G3BP1: variants seen among roughly 807,000 people sequenced by gnomAD.
G3BP1 encodes G3BP stress granule assembly factor 1.
A neutral mutation model predicts 58.6 loss-of-function variants in G3BP1; 35 were observed. That is an observed-to-expected ratio of 0.60 (90% confidence interval 0.46 to 0.79). The LOEUF (loss-of-function observed/expected upper bound fraction) is 0.79, where lower values mean the gene tolerates loss of function less well. Ranked by LOEUF, G3BP1 falls within the 30% of genes least tolerant of loss-of-function variation. The pLI, the probability that G3BP1 is intolerant of heterozygous loss-of-function variation, is 0.00. For synonymous variants in G3BP1, 191 were observed against 195.4 expected, an observed-to-expected ratio of 0.98 and a Z score of 0.19; for missense variants, 523 against 580.8, an observed-to-expected ratio of 0.90 and a Z score of 1.02.
rs1762946628 is a variant in G3BP1 at position 151,806,954 on chromosome 5, GT to G, written c.*2866del. On this transcript the variant is annotated 3_prime_UTR_variant, in exon 12 of 12. Coordinates refer to ENST00000356245, the MANE Select transcript of G3BP1 (RefSeq NM_005754.3). The stretch of plus-strand genomic sequence containing the variant: ...TGAGTATTTTAGTTAGATAAGATTT[GT>G]TTGGTTCAGTGGGTCTTAGTTTTTT... The G allele has an allele frequency of 6.6e-6, 1 of 152,114 alleles. No individual in the cohort carries two copies. Among genetic ancestry groups the G allele is most frequent in the Admixed American group, 6.5e-5 (1 of 15,268 alleles). 9.4% of individuals were successfully genotyped at this position (152,114 alleles called of 1,614,324 possible). A position where few individuals can be genotyped will look rare whatever the true frequency, so the allele number is the denominator to read the frequency against.
At chr5:151,784,845 G>A (rs1762532237) in intron 1 of G3BP1, among the ~76,000 whole-genome samples, 1 of 152,110 alleles carries the variant, frequency 6.6e-6, no homozygotes, top group Non-Finnish European at 1.5e-5. Flanking sequence ...TTAGGAGCCA[G>A]CTGCCACTTA....
Position 151,790,999 on chromosome 5 carries a change from G to C in G3BP1, c.288G>C (p.Gly96=), listed in dbSNP as rs376574585. 1.2e-5 allele frequency: 20 copies of C among 1,613,434 alleles called. No individual in the cohort carries two copies. The highest frequency in any genetic ancestry group is 1.6e-5 in the Non-Finnish European group (19 of 1,179,714). The part of the protein sequence containing the change: ...LNDGVVVQVM[G]LLSNNNQALR... ...ATGGTGTGGTAGTCCAGGTGATGGG[G>C]CTTCTCTCTAACAACAACCAGGCTT... Residue 96 remains glycine (G), a synonymous_variant, in exon 4 of 12, where the codon GGG becomes GGC. Transcript: ENST00000356245.
intron 4 of G3BP1, chr5:151,792,180 G>A (rs1298744352): frequency 1.1e-5 from 5 of 455,522 alleles, no homozygotes; most frequent in Admixed American, 2.4e-5. Context: ...GTTTTCTTCC[G>A]GATTGGTCTA....
intron 1 of G3BP1, among the ~76,000 whole-genome samples, chr5:151,773,206 C>T (rs967059880): frequency 2.6e-5 from 4 of 151,900 alleles, no homozygotes; most frequent in African/African-American, 4.8e-5. Flanking sequence ...TGCAGAAAGA[C>T]CTTGAGAAGA....
chr5:151,782,956 C>T (rs1187671211), intron 1 of G3BP1, among the ~76,000 whole-genome samples: 1 of 142,094 alleles, frequency 7.0e-6, no homozygotes, highest in East Asian at 2.2e-4. Flanking sequence ...CTGCTAGGTT[C>T]AAGCGATTCT....
Position 151,812,738 on chromosome 5 carries a change from G to A in G3BP1, c.*8647G>A, listed in dbSNP as rs1406106487. The A allele has an allele frequency of 6.6e-6, 1 of 152,198 alleles. No individual in the cohort carries two copies. Among genetic ancestry groups the A allele is most frequent in the African/African-American group, 2.4e-5 (1 of 41,446 alleles). The allele number at this position is 152,198 out of a possible 1,614,324, so 9.4% of individuals were successfully genotyped here. A position where few individuals can be genotyped will look rare whatever the true frequency, so the allele number is the denominator to read the frequency against. ...AAAATAACCCCTTCCTCCAGTGACTGTGCATTTATTTTGTAATAAACTCAT... is the reference window on the plus strand; with the variant it reads ...AAAATAACCCCTTCCTCCAGTGACTATGCATTTATTTTGTAATAAACTCAT... On this transcript the variant is annotated 3_prime_UTR_variant, in exon 12 of 12. Transcript: ENST00000356245.
At position 151,799,263 on chromosome 5, in the gene G3BP1, G is replaced by A. The variant is rs1203188163; in HGVS notation, c.793G>A (p.Val265Ile). The A allele has an allele frequency of 6.2e-7, 1 of 1,608,092 alleles. No individual in the cohort carries two copies. The highest frequency in any genetic ancestry group is 8.5e-7 in the Non-Finnish European group (1 of 1,174,460). Residue 265 changes from valine (V) to isoleucine (I), a missense_variant, in exon 8 of 12, where the codon GTT (valine) becomes ATT (isoleucine). This residue lies in a region of G3BP1 where 398 missense variants were observed against 399.1 expected (regional missense o/e 1.00). Coordinates refer to ENST00000356245, the MANE Select transcript of G3BP1 (RefSeq NM_005754.3). ...TSKNLPPSGAVPVTGIPPHVV... is the reference protein window; with the variant it reads ...TSKNLPPSGAIPVTGIPPHVV... ...TAAGAATCTTCCACCCAGTGGAGCT[G>A]TTCCAGTTACTGGGATACCACCTCA... is the stretch of plus-strand genomic sequence containing the variant.
intron 1 of G3BP1, among the ~76,000 whole-genome samples, chr5:151,783,046 G>T (rs1762498539): frequency 6.6e-6 from 1 of 151,386 alleles, no homozygotes; most frequent in Non-Finnish European, 1.5e-5. Flanking sequence ...TTTATTAGAG[G>T]CGGGGTTTCG....
chr5:151,793,980 T>C (rs1053775736), intron 4 of G3BP1, among the ~76,000 whole-genome samples, 179 bp from the exon 5 acceptor site: 1 of 152,054 alleles, frequency 6.6e-6, no homozygotes, highest in African/African-American at 2.4e-5. Context: ...CTCACTGCAT[T>C]CCCACCTGGC....
In G3BP1 at chr5:151,788,324, CAG is replaced by C. The variant is rs1360540125; in HGVS notation, c.95+1612_95+1613del. 8.5e-5 allele frequency among the ~76,000 whole-genome samples: 13 copies of C among 152,208 alleles called. No individual in the cohort carries two copies. The South Asian group carries it at 1.9e-3, about 22-fold the overall frequency. On this transcript the variant is annotated intron_variant, in intron 2 of 11. Coordinates refer to ENST00000356245, the MANE Select transcript of G3BP1 (RefSeq NM_005754.3). Reference sequence around the variant, plus strand: ...GTTAACTTCATTTTGCAGATACACTCAGAGGGGTTAAAAATTTGCAGGTACAT... The same window carrying C: ...GTTAACTTCATTTTGCAGATACACTCAGGGGTTAAAAATTTGCAGGTACAT...
At position 151,812,682 on chromosome 5, in the gene G3BP1, G is replaced by A. The variant is rs945017251; in HGVS notation, c.*8591G>A. The A allele has an allele frequency of 9.8e-5, 15 of 152,292 alleles. No homozygotes were observed. The highest frequency in any genetic ancestry group is 3.4e-4 in the African/African-American group (14 of 41,576). 9.4% of individuals were successfully genotyped at this position (152,292 alleles called of 1,614,324 possible). On this transcript the variant is annotated 3_prime_UTR_variant, in exon 12 of 12. Transcript: ENST00000356245. ...CAATGAATCCTGAGTCAAAATGAAA[G>A]GTTGCTAAATCTAAGATCGAGTGTA...
rs903344423 is a variant in G3BP1 at position 151,807,411 on chromosome 5, G to A, written c.*3320G>A. 1 of 152,106 alleles carries A rather than the reference G, an allele frequency of 6.6e-6. No homozygotes were observed. Among genetic ancestry groups the A allele is most frequent in the Non-Finnish European group, 1.5e-5 (1 of 68,030 alleles). The allele number at this position is 152,106 out of a possible 1,614,324, so 9.4% of individuals were successfully genotyped here. A position where few individuals can be genotyped will look rare whatever the true frequency, so the allele number is the denominator to read the frequency against. On this transcript the variant is annotated 3_prime_UTR_variant, in exon 12 of 12. Coordinates refer to ENST00000356245, the MANE Select transcript of G3BP1 (RefSeq NM_005754.3). ...GACCGCAATGAACTTCCTACTGTAG[G>A]GAGACTTGAGTCTGGAATACATTCA...
intron 7 of G3BP1, 135 bp from the exon 8 acceptor site, chr5:151,799,077 A>T (rs1016142736): frequency 9.8e-6 from 6 of 610,118 alleles, no homozygotes; most frequent in Non-Finnish European, 1.7e-5. Context: ...GAAGAATCTT[A>T]ATATATATAT....
intron 2 of G3BP1, among the ~76,000 whole-genome samples, chr5:151,788,572 ATG>A (rs10634385): frequency 0.019 from 2,587 of 133,252 alleles, 46 homozygotes; most frequent in African/African-American, 0.049. Context: ...CTAAGTTTAT[ATG>A]TGTGTGTGTG....
At chr5:151,794,297 G>A in intron 5 of G3BP1, 48 bp downstream of exon 5, 1 of 981,068 alleles carries the variant, frequency 1.0e-6, no homozygotes, top group Non-Finnish European at 1.7e-6. Flanking sequence ...TTTTTTAATG[G>A]CATCCGATTG....
chr5:151,793,878 G>T (rs1762702762), intron 4 of G3BP1, among the ~76,000 whole-genome samples: 1 of 151,648 alleles, frequency 6.6e-6, no homozygotes. Context: ...GCCTTGCATG[G>T]TGGCGCGCCC....
chr5:151,772,893 A>G (rs997324283), intron 1 of G3BP1, among the ~76,000 whole-genome samples: 1 of 152,178 alleles, frequency 6.6e-6, no homozygotes, highest in South Asian at 2.1e-4. Context: ...CGGCATTTGT[A>G]CTTGGGCTAG....
At chr5:151,803,451 C>T (rs527432747) in intron 11 of G3BP1, among the ~76,000 whole-genome samples, 1 of 152,142 alleles carries the variant, frequency 6.6e-6, no homozygotes, top group Non-Finnish European at 1.5e-5. Context: ...AAAAAACAAA[C>T]AAAAAACTGA....
intron 1 of G3BP1, among the ~76,000 whole-genome samples, chr5:151,783,006 C>T (rs755805795): frequency 4.0e-5 from 6 of 151,778 alleles, no homozygotes; most frequent in African/African-American, 1.2e-4. Flanking sequence ...TACAGGCGCA[C>T]GCCACCATGC....
Sources: gnomAD v4.1 joint callset for allele counts (sites outside exome capture counted in the v4.1 genomes callset) on GRCh38, gnomAD v4.1.1 for gene constraint, gnomAD v4.1.1 regional missense constraint, MANE v1.5 for transcripts, NCBI Gene and HGNC (gene_info 2026-07-23, HGNC 2026-07-21) for gene names.